Variants in ANKH observed in about 807,000 individuals in gnomAD.
ANKH encodes mineralization regulator ANKH.
Under a neutral mutation model 49.0 loss-of-function variants are expected in ANKH, and 15 were observed. That is an observed-to-expected ratio of 0.31 (90% CI 0.20 to 0.47). The LOEUF (loss-of-function observed/expected upper bound fraction) is 0.47. Among genes scored for constraint, ANKH ranks in the 20% least tolerant of loss-of-function variants. ANKH has a pLI of 1.00. For synonymous variants in ANKH, 273 were observed against 260.0 expected, an observed-to-expected ratio of 1.05 and a Z score of -0.48; for missense variants, 429 against 652.0, an observed-to-expected ratio of 0.66 and a Z score of 3.72.
In ANKH at chr5:14,712,946, G is replaced by A. The variant is rs759782902; in HGVS notation, c.1293C>T (p.Gly431=). 6.2e-7 allele frequency: 1 copy of A among 1,613,466 alleles called. No individual in the cohort carries two copies. The highest frequency in any genetic ancestry group is 8.5e-7 in the Non-Finnish European group (1 of 1,179,866). Residue 431 remains glycine, a synonymous_variant, in exon 11 of 12, where the codon GGC becomes GGT. Transcript: ENST00000284268. ...CTCCCACAAAGCCCGCCAGGAGGGA[G>A]CCCACGCCCAGGGTCGCACCGTGCA... is the stretch of plus-strand genomic sequence containing the variant. ...LGVHGATLGV[G]SLLAGFVGES...
intron 9 of ANKH, among the ~76,000 whole-genome samples, chr5:14,714,461 G>A (rs1737367452): frequency 6.6e-6 from 1 of 152,166 alleles, no homozygotes; most frequent in South Asian, 2.1e-4. Flanking sequence ...GAGAGGGCCT[G>A]TTAACCTCCC....
rs1737108544 is a variant in ANKH at position 14,710,135 on chromosome 5, T to TA, written c.*1061dup. Reference sequence around the variant, plus strand: ...TTTATCGTATGGTGTGGGAGGGAAGTACCGTAGTACATTCTCAATTACCTG... The same window carrying TA: ...TTTATCGTATGGTGTGGGAGGGAAGTAACCGTAGTACATTCTCAATTACCTG... On this transcript the variant is annotated 3_prime_UTR_variant, in exon 12 of 12. Coordinates refer to ENST00000284268, the MANE Select transcript of ANKH (RefSeq NM_054027.6). 1 of 152,192 alleles carries TA rather than the reference T, an allele frequency of 6.6e-6. No individual in the cohort carries two copies. The highest frequency in any genetic ancestry group is 1.5e-5 in the Non-Finnish European group (1 of 68,024). The allele number at this position is 152,192 out of a possible 1,614,324, so 9.4% of individuals were successfully genotyped here.
chr5:14,843,306 G>C (rs1741865109), intron 1 of ANKH, among the ~76,000 whole-genome samples: 1 of 151,618 alleles, frequency 6.6e-6, no homozygotes, highest in Admixed American at 6.6e-5. Flanking sequence ...CTCCTGAGTA[G>C]CTGGGACTAC....
At chr5:14,863,712 A>G (rs1735568622) in intron 1 of ANKH, among the ~76,000 whole-genome samples, 1 of 152,104 alleles carries the variant, frequency 6.6e-6, no homozygotes, top group Non-Finnish European at 1.5e-5. Context: ...CTGGTATGCT[A>G]TATCAGGAGC....
At chr5:14,788,925 TAAC>T (rs1740066049) in intron 1 of ANKH, among the ~76,000 whole-genome samples, 1 of 152,172 alleles carries the variant, frequency 6.6e-6, no homozygotes, top group Non-Finnish European at 1.5e-5. Flanking sequence ...TCTTTGGACA[TAAC>T]TACATCTAAA....
At chr5:14,865,581 C>T (rs1735621882) in intron 1 of ANKH, among the ~76,000 whole-genome samples, 1 of 152,156 alleles carries the variant, frequency 6.6e-6, no homozygotes, top group Non-Finnish European at 1.5e-5. Context: ...CTGTCATGTT[C>T]CTTAAGGCAA....
At chr5:14,736,877 C>A (rs1438819226) in intron 8 of ANKH, among the ~76,000 whole-genome samples, 1 of 152,218 alleles carries the variant, frequency 6.6e-6, no homozygotes, top group Non-Finnish European at 1.5e-5. Flanking sequence ...GAGGCCAAGC[C>A]TGTGCTTTGC....
chr5:14,844,210 G>C (rs2126612982), intron 1 of ANKH, among the ~76,000 whole-genome samples: 1 of 152,226 alleles, frequency 6.6e-6, no homozygotes, highest in Non-Finnish European at 1.5e-5. Flanking sequence ...TGCAAGTCTT[G>C]GGACAGTTCT....
intron 4 of ANKH, among the ~76,000 whole-genome samples, chr5:14,755,334 G>A (rs1449964045): frequency 1.3e-5 from 2 of 152,220 alleles, no homozygotes; most frequent in Non-Finnish European, 2.9e-5. Context: ...CTCAGACCGC[G>A]TGGAAAGGTA....
intron 1 of ANKH, among the ~76,000 whole-genome samples, chr5:14,864,566 C>G (rs942271320): frequency 6.6e-6 from 1 of 152,184 alleles, no homozygotes; most frequent in African/African-American, 2.4e-5. Flanking sequence ...GTAAGAAAGG[C>G]ATGACCTCAT....
At chr5:14,767,393 A>G (rs706295) in intron 2 of ANKH, among the ~76,000 whole-genome samples, 67,634 of 152,066 alleles carry the variant, frequency 0.44, 15,481 homozygotes, top group Non-Finnish European at 0.49. Flanking sequence ...TGTGGAAAAC[A>G]TTTGTTTGGT....
Position 14,859,793 on chromosome 5 carries a change from A to C in ANKH, c.96+11559T>G, listed in dbSNP as rs181673399. Among the ~76,000 whole-genome samples, 18 of 152,358 alleles carry C rather than the reference A, an allele frequency of 1.2e-4. No individual in the cohort carries two copies. In the East Asian group the frequency reaches 1.7e-3, roughly 15 times the overall value. On this transcript the variant is annotated intron_variant, in intron 1 of 11. Transcript: ENST00000284268. ...CAAAACTCACAGACCTATACAGTTA[A>C]GATCTGTACACTTCACTTAGAGCCT...
chr5:14,793,057 T>A (rs1189290881), intron 1 of ANKH, among the ~76,000 whole-genome samples: 1 of 54,656 alleles, frequency 1.8e-5, no homozygotes, highest in African/African-American at 6.8e-5. Flanking sequence ...TAAATATATA[T>A]AAAATATATA....
chr5:14,714,534 C>T (rs1183751360), intron 9 of ANKH, among the ~76,000 whole-genome samples: 5 of 152,328 alleles, frequency 3.3e-5, no homozygotes, highest in South Asian at 2.1e-4. Context: ...ATAAAAATTC[C>T]TTTCCAGGAT....
chr5:14,795,444 A>C (rs978923294), intron 1 of ANKH, among the ~76,000 whole-genome samples: 1 of 152,222 alleles, frequency 6.6e-6, no homozygotes, highest in African/African-American at 2.4e-5. Flanking sequence ...ATAATCCCCA[A>C]ATCATGTGCA....
intron 1 of ANKH, among the ~76,000 whole-genome samples, chr5:14,777,782 A>G (rs1396948074): frequency 6.6e-6 from 1 of 152,180 alleles, no homozygotes; most frequent in Non-Finnish European, 1.5e-5. Context: ...TGCTCAGCTC[A>G]TCTCCTGTCT....
At chr5:14,864,518 A>T (rs1319320023) in intron 1 of ANKH, among the ~76,000 whole-genome samples, 1 of 152,210 alleles carries the variant, frequency 6.6e-6, no homozygotes, top group Non-Finnish European at 1.5e-5. Flanking sequence ...TACCAAGTGG[A>T]CTAAGGAGGT....
At chr5:14,757,430 ATTTTTTTTTT>A (rs1243593041) in intron 3 of ANKH, among the ~76,000 whole-genome samples, 1 of 113,818 alleles carries the variant, frequency 8.8e-6, no homozygotes, top group African/African-American at 3.3e-5. Context: ...ATATATATAT[ATTTTTTTTTT>A]TTTTTTTTTG....
chr5:14,813,234 G>A (rs1397187139), intron 1 of ANKH, among the ~76,000 whole-genome samples: 1 of 136,028 alleles, frequency 7.4e-6, no homozygotes. Flanking sequence ...GAGAGAAATG[G>A]CTATTTAAAA....
Sources: allele counts gnomAD v4.1 joint callset (sites outside exome capture counted in the v4.1 genomes callset), GRCh38; gene constraint gnomAD v4.1.1; transcripts MANE v1.5; gene names NCBI Gene and HGNC (gene_info 2026-07-23, HGNC 2026-07-21).